RBPJ: variants seen among roughly 807,000 people sequenced by gnomAD.
The protein encoded by RBPJ is recombination signal binding protein for immunoglobulin kappa J region, also known as recombining binding protein suppressor of hairless.
RBPJ carries 9 observed loss-of-function variants against 67.8 expected under a neutral mutation model. The observed-to-expected ratio is 0.13, with a 90% CI of 0.08 to 0.23. The LOEUF (loss-of-function observed/expected upper bound fraction) is 0.23, where lower values mean the gene tolerates loss of function less well. Among genes scored for constraint, RBPJ ranks in the 10% least tolerant of loss-of-function variants. The pLI is 1.00. For missense variants in RBPJ, 305 were observed against 595.6 expected (o/e 0.51, Z 5.08); for synonymous variants, 198 against 203.3 (o/e 0.97, Z 0.22).
At chr4:26,241,241 A>C (rs139115347) in intron 1 of RBPJ, among the ~76,000 whole-genome samples, 4 of 152,038 alleles carry the variant, frequency 2.6e-5, no homozygotes, top group African/African-American at 9.6e-5. Context: ...TTTCCACCAC[A>C]CAGATAAAAG....
the RBPJ span, among the ~76,000 whole-genome samples, chr4:26,115,603 C>A: frequency 5.3e-5 from 8 of 152,170 alleles, no homozygotes; most frequent in Non-Finnish European, 8.8e-5. Flanking sequence ...CCAGGATGGT[C>A]TCGATTTCCT....
chr4:26,239,149 T>C (rs1419143450), intron 1 of RBPJ, among the ~76,000 whole-genome samples: 1 of 152,152 alleles, frequency 6.6e-6, no homozygotes, highest in East Asian at 1.9e-4. Context: ...AGCCGGACCA[T>C]GATCAGCCAT....
intron 1 of RBPJ, among the ~76,000 whole-genome samples, chr4:26,212,986 T>C (rs938856448): frequency 5.3e-5 from 8 of 152,208 alleles, no homozygotes; most frequent in Non-Finnish European, 1.2e-4. Context: ...TCCACAGGAA[T>C]GGAAGCTCCT....
chr4:26,244,360 T>C, intron 1 of RBPJ, among the ~76,000 whole-genome samples: 1 of 146,714 alleles, frequency 6.8e-6, no homozygotes, highest in African/African-American at 2.5e-5. Flanking sequence ...TATATATATG[T>C]ATGCACATAT....
At chr4:26,224,749 T>G (rs115726111) in intron 1 of RBPJ, among the ~76,000 whole-genome samples, 2,022 of 152,370 alleles carry the variant, frequency 0.013, 25 homozygotes, top group Middle Eastern at 0.071. Context: ...AATACATGTT[T>G]GCTAAATGTA....
At chr4:26,173,627 G>T (rs931662200) in intron 1 of RBPJ, among the ~76,000 whole-genome samples, 1 of 152,180 alleles carries the variant, frequency 6.6e-6, no homozygotes. Flanking sequence ...CAGATAACTT[G>T]GTAGGCTACA....
chr4:26,229,230 A>G (rs1342463349), intron 1 of RBPJ, among the ~76,000 whole-genome samples: 2 of 152,194 alleles, frequency 1.3e-5, no homozygotes, highest in Admixed American at 6.5e-5. Context: ...AGTTCTACAG[A>G]TGTTTGTGAA....
At chr4:26,375,267 C>T (rs1290227545) in intron 1 of RBPJ, among the ~76,000 whole-genome samples, 4 of 130,390 alleles carry the variant, frequency 3.1e-5, no homozygotes, top group Admixed American at 9.1e-5. Context: ...CCCGCCTGGG[C>T]GACAGAGGGA....
chr4:26,217,929 C>T (rs1718771127), intron 1 of RBPJ, among the ~76,000 whole-genome samples: 1 of 152,188 alleles, frequency 6.6e-6, no homozygotes, highest in East Asian at 1.9e-4. Context: ...AGTAAACACT[C>T]GTGGATAAGA....
At chr4:26,365,080 A>G (rs866303511) in intron 1 of RBPJ, among the ~76,000 whole-genome samples, 24 of 150,550 alleles carry the variant, frequency 1.6e-4, no homozygotes, top group African/African-American at 5.8e-4. Context: ...TTGTTATATA[A>G]TTATATAATA....
In RBPJ at chr4:26,341,704, T is replaced by G. The variant is rs78469426; in HGVS notation, c.20+20656T>G. Among the ~76,000 whole-genome samples the G allele has an allele frequency of 5.8e-3, 879 of 151,720 alleles. 7 individuals carry two copies. The highest frequency in any genetic ancestry group is 0.02 in the African/African-American group (827 of 41,400). On this transcript the variant is annotated intron_variant, in intron 1 of 10. Coordinates refer to ENST00000355476, the MANE Select transcript of RBPJ (RefSeq NM_015874.6). ...CATTTAGCTGCGTGGAGGGAACTGT[T>G]AAGTTTTGTTGAAGTGACGGAGACA...
chr4:26,333,421 AT>A (rs1355267853), intron 1 of RBPJ, among the ~76,000 whole-genome samples: 7 of 152,166 alleles, frequency 4.6e-5, no homozygotes, highest in African/African-American at 1.7e-4. Context: ...CTTTAAATGA[AT>A]TTCCAGGAAA....
chr4:26,270,417 G>GAAAGAAAGAAAGAAAA (rs1720865829), intron 1 of RBPJ, among the ~76,000 whole-genome samples: 1 of 54,562 alleles, frequency 1.8e-5, no homozygotes, highest in Non-Finnish European at 4.9e-5. Context: ...AAGAAAGAAA[G>GAAAGAAAGAAAGAAAA]AAAGAAAGAA....
At chr4:26,380,441 G>A (rs1192118655) in intron 1 of RBPJ, among the ~76,000 whole-genome samples, 2 of 152,140 alleles carry the variant, frequency 1.3e-5, no homozygotes, top group Non-Finnish European at 2.9e-5. Context: ...TGGACACAAG[G>A]AGCAAAAGTA....
intron 2 of RBPJ, 152 bp from the exon 3 acceptor site, chr4:26,406,023 A>T (rs1733364464): frequency 5.8e-6 from 3 of 521,428 alleles, no homozygotes; most frequent in Admixed American, 6.8e-5. Flanking sequence ...AATTTAATTT[A>T]TGGATTTACT....
At chr4:26,214,919 A>AGGAGGGAGGGAGG in intron 1 of RBPJ, among the ~76,000 whole-genome samples, 1 of 134,302 alleles carries the variant, frequency 7.4e-6, no homozygotes, top group Non-Finnish European at 1.6e-5. Flanking sequence ...AAAAAAGAGA[A>AGGAGGGAGGGAGG]AAAAGGAAGG....
intron 4 of RBPJ, among the ~76,000 whole-genome samples, chr4:26,418,586 G>A (rs538521541): frequency 9.0e-4 from 135 of 150,790 alleles, no homozygotes; most frequent in African/African-American, 3.0e-3. Flanking sequence ...CTTTTTTTCC[G>A]TTCTTGTTTG....
chr4:26,419,003 G>A (rs1451013496), intron 4 of RBPJ, among the ~76,000 whole-genome samples: 1 of 152,122 alleles, frequency 6.6e-6, no homozygotes, highest in Admixed American at 6.6e-5. Context: ...TTTTGAGACA[G>A]GGTGCCACCG....
At chr4:26,109,020 C>A in the RBPJ span, among the ~76,000 whole-genome samples, 2 of 152,140 alleles carry the variant, frequency 1.3e-5, no homozygotes, top group Admixed American at 6.5e-5. Context: ...CAGGCTGATC[C>A]CTCATTCTTA....
Sources: allele counts gnomAD v4.1 joint callset (sites outside exome capture counted in the v4.1 genomes callset), GRCh38; gene constraint gnomAD v4.1.1; transcripts MANE v1.5; gene names NCBI Gene and HGNC (gene_info 2026-07-23, HGNC 2026-07-21).